The following TRPM3 variants were observed in gnomAD, a reference collection of about 807,000 sequenced individuals.
TRPM3 encodes long transient receptor potential channel 3.
Under a neutral mutation model 181.2 loss-of-function variants are expected in TRPM3, and 77 were observed. The observed-to-expected ratio is 0.42, with a 90% CI of 0.35 to 0.51. The LOEUF is 0.51. Among genes scored for constraint, TRPM3 ranks in the 20% least tolerant of loss-of-function variants. The pLI is 0.01. For missense variants in TRPM3, 1,759 were observed against 2,196.7 expected (o/e 0.80, Z 3.98); for synonymous variants, 745 against 796.4 (o/e 0.94, Z 1.09).
chr9:70,532,979 G>A lies in TRPM3; in HGVS notation c.*2974C>T, dbSNP rs968726323. 6.6e-6 allele frequency: 1 copy of A among 152,170 alleles called. No homozygotes were observed. Among genetic ancestry groups the A allele is most frequent in the Non-Finnish European group, 1.5e-5 (1 of 68,046 alleles). 9.4% of individuals were successfully genotyped at this position (152,170 alleles called of 1,614,324 possible). A position where few individuals can be genotyped will look rare whatever the true frequency, so the allele number is the denominator to read the frequency against. On this transcript the variant is annotated 3_prime_UTR_variant, in exon 26 of 26. Coordinates refer to ENST00000677713, the MANE Select transcript of TRPM3 (RefSeq NM_001366145.2). ...AACACACATACATGTGCACAGGAAG[G>A]AAATGGCTCATGGAAGTTACACAGT...
chr9:71,201,791 G>A (rs896150367), intron 1 of TRPM3, among the ~76,000 whole-genome samples: 13 of 152,166 alleles, frequency 8.5e-5, no homozygotes, highest in South Asian at 2.1e-4. Context: ...CCTGTAGCTC[G>A]GAATAGTTTG....
intron 1 of TRPM3, among the ~76,000 whole-genome samples, chr9:71,171,899 TTTG>T (rs35492372): frequency 6.6e-6 from 1 of 151,248 alleles, no homozygotes; most frequent in Non-Finnish European, 1.5e-5. Flanking sequence ...TGTTAGGGTT[TTTG>T]TTGTTTTTGT....
At chr9:70,784,424 G>T in intron 6 of TRPM3, 145 bp from the exon 7 acceptor site, 1 of 902,404 alleles carries the variant, frequency 1.1e-6, no homozygotes, top group Non-Finnish European at 1.6e-6. Flanking sequence ...ATATGGTACT[G>T]AGCAAAAATT....
Position 70,629,791 on chromosome 9 carries a change from C to T in TRPM3, c.1633-4274G>A, listed in dbSNP as rs186967187. On this transcript the variant is annotated intron_variant, in intron 12 of 25. Transcript: ENST00000677713. ...TAACAAGTAATGTGTTTGCATTCAG[C>T]CTGCAAGGCTGGATCTCATCTGTTT... Among the ~76,000 whole-genome samples the T allele has an allele frequency of 4.6e-3, 697 of 152,250 alleles. 3 individuals are homozygous for T. The highest frequency in any genetic ancestry group is 0.01 in the Middle Eastern group (3 of 294).
intron 22 of TRPM3, among the ~76,000 whole-genome samples, chr9:70,588,478 GAGTT>G (rs1427424174): frequency 6.6e-6 from 1 of 151,276 alleles, no homozygotes; most frequent in Non-Finnish European, 1.5e-5. Context: ...AAAAAAAAAA[GAGTT>G]AGCTATGGAG....
chr9:71,050,186 G>T (rs2059910715), intron 1 of TRPM3, among the ~76,000 whole-genome samples: 1 of 152,150 alleles, frequency 6.6e-6, no homozygotes, highest in Non-Finnish European at 1.5e-5. Flanking sequence ...ATTGTTAAAT[G>T]GGGATTATGA....
At chr9:70,749,978 A>G (rs1156564827) in intron 8 of TRPM3, among the ~76,000 whole-genome samples, 1 of 152,138 alleles carries the variant, frequency 6.6e-6, no homozygotes, top group Non-Finnish European at 1.5e-5. Context: ...TAAAATAATT[A>G]CTATTTAATC....
At chr9:71,118,069 G>A (rs1482071992) in intron 1 of TRPM3, among the ~76,000 whole-genome samples, 1 of 152,124 alleles carries the variant, frequency 6.6e-6, no homozygotes, top group African/African-American at 2.4e-5. Context: ...GTGATTAATA[G>A]TAAGATGCAA....
chr9:70,827,020 A>T (rs928545846), intron 6 of TRPM3: 1 of 152,230 alleles, frequency 6.6e-6, no homozygotes, highest in African/African-American at 2.4e-5. Flanking sequence ...TTACACAATA[A>T]ATACAGCAAA....
At chr9:71,242,720 T>C (rs970469993) in intron 1 of TRPM3, among the ~76,000 whole-genome samples, 1 of 152,206 alleles carries the variant, frequency 6.6e-6, no homozygotes, top group Non-Finnish European at 1.5e-5. Flanking sequence ...TTCCCTAATC[T>C]TCCTACTTTT....
intron 8 of TRPM3, among the ~76,000 whole-genome samples, chr9:70,682,162 C>T (rs2065616220): frequency 6.6e-6 from 1 of 151,954 alleles, no homozygotes; most frequent in African/African-American, 2.4e-5. Context: ...CCTGCTCCCC[C>T]AATAAAAAAA....
At position 71,152,301 on chromosome 9, in the gene TRPM3, G is replaced by A. The variant is rs2075777306; in HGVS notation, c.184-287790C>T. On this transcript the variant is annotated intron_variant, in intron 1 of 24. Transcript: ENST00000357533. ...GAGGGTGTATGTTATGTATTCTCAA[G>A]AAAGGTGCTGAATGTTGTTTGCCTT... 2.0e-5 allele frequency among the ~76,000 whole-genome samples: 3 copies of A among 152,096 alleles called. No individual in the cohort carries two copies. The South Asian group carries it at 6.2e-4, about 32-fold the overall frequency.
chr9:70,824,028 T>A (rs1267356870), intron 6 of TRPM3, among the ~76,000 whole-genome samples: 1 of 152,176 alleles, frequency 6.6e-6, no homozygotes, highest in Non-Finnish European at 1.5e-5. Context: ...GTGCTTGGAG[T>A]ATGTTTTCAG....
chr9:71,446,063 A>G (rs2094199491), intron 1 of TRPM3, among the ~76,000 whole-genome samples: 1 of 152,236 alleles, frequency 6.6e-6, no homozygotes, highest in Non-Finnish European at 1.5e-5. Context: ...AGAGGAGCTG[A>G]CACATGGGAA....
chr9:71,196,673 T>G (rs568222282), intron 1 of TRPM3, among the ~76,000 whole-genome samples: 1 of 152,014 alleles, frequency 6.6e-6, no homozygotes, highest in East Asian at 1.9e-4. Flanking sequence ...CCTGTTAAAC[T>G]AAATTTAGAT....
chr9:71,048,594 CTTTG>C (rs1480379221), intron 1 of TRPM3, among the ~76,000 whole-genome samples: 2 of 152,216 alleles, frequency 1.3e-5, no homozygotes, highest in African/African-American at 4.8e-5. Context: ...TCTCTAGGCA[CTTTG>C]TTTATTGCTC....
chr9:71,268,037 G>A (rs1330144575), intron 1 of TRPM3, among the ~76,000 whole-genome samples: 1 of 152,154 alleles, frequency 6.6e-6, no homozygotes, highest in Non-Finnish European at 1.5e-5. Context: ...CAAATATGCT[G>A]GGAAACCTTG....
intron 16 of TRPM3, 120 bp downstream of exon 16, chr9:70,619,956 G>T: frequency 1.1e-6 from 1 of 912,636 alleles, no homozygotes; most frequent in Non-Finnish European, 1.7e-6. Flanking sequence ...CATCCTGTGT[G>T]TGCATCACTG....
In TRPM3 at chr9:70,869,052, T is replaced by G. The variant is rs557811427; in HGVS notation, c.178-4541A>C. 23 of 985,222 alleles carry G rather than the reference T, an allele frequency of 2.3e-5. No homozygotes were observed. The East Asian group carries it at 1.6e-3, about 68-fold the overall frequency. 61.0% of individuals were successfully genotyped at this position (985,222 alleles called of 1,614,324 possible). ...GCAGCTCCTGTTGCTTTCATTTTGCTGCAGCTAGGGCTGGTCATTCCGTTA... is the reference window on the plus strand; with the variant it reads ...GCAGCTCCTGTTGCTTTCATTTTGCGGCAGCTAGGGCTGGTCATTCCGTTA... On this transcript the variant is annotated intron_variant, in intron 1 of 25. Transcript: ENST00000677713.
Sources: allele counts gnomAD v4.1 joint callset (sites outside exome capture counted in the v4.1 genomes callset), GRCh38; gene constraint gnomAD v4.1.1; transcripts MANE v1.5; gene names NCBI Gene and HGNC (gene_info 2026-07-23, HGNC 2026-07-21).